The following NCOR1 variants were observed in gnomAD, a reference collection of about 807,000 sequenced individuals.
The protein encoded by NCOR1 is nuclear receptor corepressor 1, also known as protein phosphatase 1, regulatory subunit 109.
Under a neutral mutation model 288.1 loss-of-function variants are expected in NCOR1, and 63 were observed. The ratio of observed to expected loss-of-function variants is 0.22; its 90% CI spans 0.18 to 0.27. The LOEUF is 0.27. Among genes scored for constraint, NCOR1 ranks in the 10% least tolerant of loss-of-function variants. The probability of loss-of-function intolerance (pLI) is 1.00; values close to 1 mark genes in which losing one functional copy is unlikely to be tolerated. For missense variants in NCOR1, 2,397 were observed against 3,019.2 expected (o/e 0.79, Z 4.83); for synonymous variants, 1,007 against 1,065.9 (o/e 0.94, Z 1.08).
At chr17:16,092,498 G>A (rs2065336542) in intron 21 of NCOR1, among the ~76,000 whole-genome samples, 1 of 151,038 alleles carries the variant, frequency 6.6e-6, no homozygotes, top group African/African-American at 2.4e-5. Context: ...TTTCAGAACT[G>A]ATCACAATAT....
chr17:16,129,719 G>C, intron 14 of NCOR1, among the ~76,000 whole-genome samples: 1 of 152,178 alleles, frequency 6.6e-6, no homozygotes, highest in East Asian at 1.9e-4. Context: ...CATGCCCTTT[G>C]CCTAGCAAGT....
At chr17:16,045,932 T>C (rs1324663783) in intron 42 of NCOR1, among the ~76,000 whole-genome samples, 1 of 152,098 alleles carries the variant, frequency 6.6e-6, no homozygotes, top group East Asian at 1.9e-4. Flanking sequence ...CCACCTCAGC[T>C]TCCCATGTAA....
chr17:16,103,285 TTCTC>T (rs1253087934), intron 19 of NCOR1, among the ~76,000 whole-genome samples: 2 of 152,186 alleles, frequency 1.3e-5, no homozygotes, highest in Non-Finnish European at 1.5e-5. Flanking sequence ...CTCACTGATT[TTCTC>T]TCTAAAAATT....
In NCOR1 at chr17:16,131,028, G is replaced by A. The variant is rs562269790; in HGVS notation, c.1510-4822C>T. 6.1e-4 allele frequency among the ~76,000 whole-genome samples: 83 copies of A among 135,320 alleles called. 1 individual carries two copies. Among genetic ancestry groups the A allele is most frequent in the Middle Eastern group, 9.5e-3 (2 of 210 alleles). The allele number at this position is 135,320 out of a possible 152,430, so 88.8% of individuals were successfully genotyped here. The stretch of plus-strand genomic sequence containing the variant: ...TTTTAAGACTGGATCTCCTTCTGTC[G>A]CCCAGGCTGGAGTGCAGTGGCGTGA... On this transcript the variant is annotated intron_variant, in intron 14 of 45. Transcript: ENST00000268712.
chr17:16,072,910 A>C (rs2061932444), intron 28 of NCOR1, among the ~76,000 whole-genome samples: 1 of 152,234 alleles, frequency 6.6e-6, no homozygotes, highest in Non-Finnish European at 1.5e-5. Context: ...ATATCACATG[A>C]GCAGCACCAG....
intron 6 of NCOR1, among the ~76,000 whole-genome samples, chr17:16,155,627 G>A (rs947674706): frequency 5.3e-5 from 8 of 152,054 alleles, no homozygotes; most frequent in African/African-American, 1.9e-4. Flanking sequence ...AAATTAACAC[G>A]TTGGGGCAGT....
At chr17:16,088,259 TATA>T (rs1443161167) in intron 22 of NCOR1, among the ~76,000 whole-genome samples, 2 of 152,192 alleles carry the variant, frequency 1.3e-5, no homozygotes, top group African/African-American at 2.4e-5. Flanking sequence ...GATGATATTT[TATA>T]ATAATGAGTT....
At chr17:16,214,874 A>G (rs1306730087) in intron 1 of NCOR1, among the ~76,000 whole-genome samples, 1 of 152,166 alleles carries the variant, frequency 6.6e-6, no homozygotes, top group Non-Finnish European at 1.5e-5. Context: ...TACACCCTGA[A>G]GCGGTCTGTT....
chr17:16,163,016 C>T (rs531685372), intron 5 of NCOR1, among the ~76,000 whole-genome samples: 1 of 151,296 alleles, frequency 6.6e-6, no homozygotes, highest in African/African-American at 2.4e-5. Context: ...TTCTGTTCAC[C>T]AAAAAAAATA....
At position 16,134,055 on chromosome 17, in the gene NCOR1, T is replaced by C. The variant is rs142000719; in HGVS notation, c.1509+3256A>G. On this transcript the variant is annotated intron_variant, in intron 14 of 45. Transcript: ENST00000268712. Reference sequence around the variant, plus strand: ...CTCAACAGAGCAACCAGAGTAATCATGTCACAACTGAAATCTGGCAGCCCT... The same window carrying C: ...CTCAACAGAGCAACCAGAGTAATCACGTCACAACTGAAATCTGGCAGCCCT... Among the ~76,000 whole-genome samples, 1,145 of 152,328 alleles carry C rather than the reference T, an allele frequency of 7.5e-3. 19 individuals are homozygous for C. Among genetic ancestry groups the C allele is most frequent in the East Asian group, 0.049 (256 of 5,182 alleles).
chr17:16,077,340 T>C (rs2062616198), intron 26 of NCOR1, among the ~76,000 whole-genome samples: 1 of 149,994 alleles, frequency 6.7e-6, no homozygotes, highest in Non-Finnish European at 1.5e-5. Context: ...GAGGTTGCAG[T>C]GAGCTGAGAT....
chr17:16,058,292 A>G lies in NCOR1; in HGVS notation c.6010+179T>C, dbSNP rs2060158969. On this transcript the variant is annotated intron_variant, in intron 38 of 45. Transcript: ENST00000268712. ...TAAGCAAACAAAATTAATATAAACAATTTTCTGTATCATTAAAAAATAAAA... is the reference window on the plus strand; with the variant it reads ...TAAGCAAACAAAATTAATATAAACAGTTTTCTGTATCATTAAAAAATAAAA... The G allele has an allele frequency of 1.2e-5, 11 of 941,492 alleles. No individual in the cohort carries two copies. In the South Asian group the frequency reaches 2.3e-4, roughly 20 times the overall value. 58.3% of individuals were successfully genotyped at this position (941,492 alleles called of 1,614,324 possible). A position where few individuals can be genotyped will look rare whatever the true frequency, so the allele number is the denominator to read the frequency against.
intron 10 of NCOR1, among the ~76,000 whole-genome samples, chr17:16,145,231 C>T (rs905560948): frequency 1.3e-5 from 2 of 152,222 alleles, no homozygotes; most frequent in Non-Finnish European, 2.9e-5. Context: ...AGTGCAGTGG[C>T]GTGATCTAGG....
intron 26 of NCOR1, among the ~76,000 whole-genome samples, chr17:16,077,034 C>G (rs1347593807): frequency 6.6e-6 from 1 of 152,106 alleles, no homozygotes. Flanking sequence ...TTCACCTGAC[C>G]TCTCTCTCTA....
chr17:16,086,448 A>G lies in NCOR1; in HGVS notation c.3017-6T>C. The G allele has an allele frequency of 6.2e-7, 1 of 1,603,872 alleles. No individual in the cohort carries two copies. The highest frequency in any genetic ancestry group is 1.7e-4 in the Middle Eastern group (1 of 6,012). Reference sequence around the variant, plus strand: ...ATGTGGAGCAGGCTGAAGGACTTTTAAAAGGAAAGAAAAATGATTTTAAAC... The same window carrying G: ...ATGTGGAGCAGGCTGAAGGACTTTTGAAAGGAAAGAAAAATGATTTTAAAC... On this transcript the variant is annotated splice_region_variant and splice_polypyrimidine_tract_variant and intron_variant, in intron 22 of 45. Coordinates refer to ENST00000268712, the MANE Select transcript of NCOR1 (RefSeq NM_006311.4).
intron 20 of NCOR1, among the ~76,000 whole-genome samples, chr17:16,098,976 T>A (rs2067132276): frequency 6.6e-6 from 1 of 152,250 alleles, no homozygotes; most frequent in South Asian, 2.1e-4. Flanking sequence ...TTAGAGGATG[T>A]TTTATTGGGA....
At chr17:16,161,894 T>C (rs577008429) in intron 5 of NCOR1, among the ~76,000 whole-genome samples, 1 of 152,280 alleles carries the variant, frequency 6.6e-6, no homozygotes, top group Non-Finnish European at 1.5e-5. Flanking sequence ...TATTATGCAA[T>C]ATATTCATTA....
chr17:16,035,049 C>CAT, intron 44 of NCOR1, 105 bp from the exon 45 acceptor site: 8 of 1,053,838 alleles, frequency 7.6e-6, no homozygotes, highest in South Asian at 1.6e-5. Context: ...AGAATGGTAA[C>CAT]ATGAAGAATC....
At chr17:16,148,397 T>C (rs1040266245) in intron 9 of NCOR1, among the ~76,000 whole-genome samples, 1 of 152,178 alleles carries the variant, frequency 6.6e-6, no homozygotes, top group Non-Finnish European at 1.5e-5. Flanking sequence ...GATCCAATAC[T>C]AGGACTGACC....
Sources: allele counts gnomAD v4.1 joint callset (sites outside exome capture counted in the v4.1 genomes callset), GRCh38; gene constraint gnomAD v4.1.1; transcripts MANE v1.5; gene names NCBI Gene and HGNC (gene_info 2026-07-23, HGNC 2026-07-21).